The following SLC12A2 variants were observed in gnomAD, a reference collection of about 807,000 sequenced individuals.
The protein encoded by SLC12A2 is Na-K-2Cl cotransporter 1.
SLC12A2 carries 67 observed loss-of-function variants against 136.3 expected under a neutral mutation model. The observed-to-expected ratio is 0.49, with a 90% CI of 0.40 to 0.60. The LOEUF (loss-of-function observed/expected upper bound fraction) is 0.60. Among genes scored for constraint, SLC12A2 ranks in the 20% least tolerant of loss-of-function variants. The probability of loss-of-function intolerance (pLI) is 0.00; values close to 1 mark genes in which losing one functional copy is unlikely to be tolerated. For synonymous variants in SLC12A2, 619 were observed against 562.9 expected (o/e 1.10, Z -1.41); for missense variants, 1,322 against 1,534.7 (o/e 0.86, Z 2.32).
intron 11 of SLC12A2, among the ~76,000 whole-genome samples, chr5:128,148,097 CTAAA>C (rs1282228193): frequency 6.6e-6 from 1 of 151,548 alleles, no homozygotes; most frequent in African/African-American, 2.4e-5. Flanking sequence ...TGATATCAAC[CTAAA>C]TATTTTATTT....
In SLC12A2 at chr5:128,103,206, G is replaced by A. The variant is rs192509979; in HGVS notation, c.757-9608G>A. 5.3e-5 allele frequency among the ~76,000 whole-genome samples: 8 copies of A among 152,142 alleles called. No homozygotes were observed. In the East Asian group the frequency reaches 7.7e-4, roughly 15 times the overall value. ...TGTTTTAACAGTTTATATTCTCACCGGGATCATATGAGAGTTTTTGTGTTC... is the reference window on the plus strand; with the variant it reads ...TGTTTTAACAGTTTATATTCTCACCAGGATCATATGAGAGTTTTTGTGTTC... On this transcript the variant is annotated intron_variant, in intron 1 of 26. Coordinates refer to ENST00000262461, the MANE Select transcript of SLC12A2 (RefSeq NM_001046.3).
chr5:128,117,359 T>C (rs1172815225), intron 4 of SLC12A2, among the ~76,000 whole-genome samples: 1 of 152,158 alleles, frequency 6.6e-6, no homozygotes, highest in Non-Finnish European at 1.5e-5. Flanking sequence ...AATCCATAAG[T>C]TAACAATGAA....
chr5:128,098,206 T>C (rs1760613290), intron 1 of SLC12A2, among the ~76,000 whole-genome samples: 2 of 152,134 alleles, frequency 1.3e-5, no homozygotes, highest in Non-Finnish European at 1.5e-5. Flanking sequence ...CACTCTTCCT[T>C]CTTCTGCCAT....
chr5:128,123,414 T>C (rs867595997), intron 4 of SLC12A2, among the ~76,000 whole-genome samples: 19 of 152,304 alleles, frequency 1.2e-4, no homozygotes, highest in Middle Eastern at 6.8e-3. Flanking sequence ...CCAAGAAAAC[T>C]TTATTTTTAC....
intron 7 of SLC12A2, among the ~76,000 whole-genome samples, chr5:128,136,844 A>G (rs7721466): frequency 0.014 from 2,083 of 152,194 alleles, 49 homozygotes; most frequent in African/African-American, 0.048. Flanking sequence ...ACATGTTTCT[A>G]TTCCTGAATC....
chr5:128,186,137 A>G (rs1348351015), intron 26 of SLC12A2, among the ~76,000 whole-genome samples: 7 of 152,168 alleles, frequency 4.6e-5, no homozygotes, highest in Non-Finnish European at 1.0e-4. Flanking sequence ...ACAGTTGCCT[A>G]TAGTATTCAC....
intron 1 of SLC12A2, among the ~76,000 whole-genome samples, chr5:128,087,347 G>T (rs1760139394): frequency 6.6e-6 from 1 of 152,178 alleles, no homozygotes; most frequent in Admixed American, 6.5e-5. Context: ...TGCCTAGACA[G>T]ACATTAACAA....
chr5:128,165,956 T>A (rs564997599), intron 17 of SLC12A2, among the ~76,000 whole-genome samples: 26 of 135,738 alleles, frequency 1.9e-4, no homozygotes, highest in African/African-American at 6.8e-4. Flanking sequence ...GCTGTGTGGT[T>A]AAGATAGTTT....
chr5:128,096,641 C>G (rs1013710577), intron 1 of SLC12A2, among the ~76,000 whole-genome samples: 1 of 151,966 alleles, frequency 6.6e-6, no homozygotes, highest in African/African-American at 2.4e-5. Context: ...TGTTTTCTGG[C>G]AAAGCTGGGC....
intron 4 of SLC12A2, among the ~76,000 whole-genome samples, chr5:128,121,840 T>C (rs1316024146): frequency 1.3e-5 from 2 of 152,200 alleles, no homozygotes; most frequent in African/African-American, 4.8e-5. Flanking sequence ...GCAGTGTTCT[T>C]GAGAGCTTGG....
chr5:128,085,659 T>A (rs1458650186), intron 1 of SLC12A2, among the ~76,000 whole-genome samples: 1 of 152,250 alleles, frequency 6.6e-6, no homozygotes, highest in Non-Finnish European at 1.5e-5. Context: ...ATGACTACAT[T>A]GATGGAATTT....
chr5:128,153,616 C>T (rs994631567), intron 15 of SLC12A2, among the ~76,000 whole-genome samples: 2 of 152,116 alleles, frequency 1.3e-5, no homozygotes, highest in African/African-American at 4.8e-5. Flanking sequence ...TATAAACTTT[C>T]TTTAGTCATG....
intron 4 of SLC12A2, among the ~76,000 whole-genome samples, chr5:128,115,807 A>G (rs1235781160): frequency 6.6e-6 from 1 of 152,212 alleles, no homozygotes; most frequent in Non-Finnish European, 1.5e-5. Context: ...GGAGGGATAG[A>G]GACAGAGAAC....
chr5:128,141,981 G>C lies in SLC12A2; in HGVS notation c.1773G>C (p.Gln591His). 1 of 1,613,196 alleles carries C rather than the reference G, an allele frequency of 6.2e-7. No homozygotes were observed. The highest frequency in any genetic ancestry group is 1.1e-5 in the South Asian group (1 of 90,998). ...CCTATGGCCTAATGAACAACTTCCA[G>C]GTGAGCATTGACTTTGTAATATACA... Reference protein sequence around the residue: ...PCSYGLMNNFQVMSMVSGFTP... With the variant: ...PCSYGLMNNFHVMSMVSGFTP... Residue 591 changes from glutamine (Q) to histidine (H), a missense_variant and splice_region_variant, in exon 10 of 27, where the codon CAG becomes CAC. Physicochemically the swap from Gln to His is conservative, Grantham distance 24. Around this residue, in one of 8 missense-constraint regions of SLC12A2, gnomAD observed 294 missense variants for 436.6 expected, o/e 0.67. Coordinates refer to ENST00000262461, the MANE Select transcript of SLC12A2 (RefSeq NM_001046.3).
At chr5:128,104,734 A>G (rs953349353) in intron 1 of SLC12A2, among the ~76,000 whole-genome samples, 1 of 151,862 alleles carries the variant, frequency 6.6e-6, no homozygotes, top group Non-Finnish European at 1.5e-5. Flanking sequence ...TCTGGACACT[A>G]TAGCAATTCT....
chr5:128,091,733 G>A (rs1760328844), intron 1 of SLC12A2, among the ~76,000 whole-genome samples: 1 of 152,070 alleles, frequency 6.6e-6, no homozygotes, highest in Non-Finnish European at 1.5e-5. Context: ...TTGGAAGAAG[G>A]GGGAAAGCCA....
At chr5:128,165,211 A>G (rs919730502) in intron 17 of SLC12A2, among the ~76,000 whole-genome samples, 1 of 152,194 alleles carries the variant, frequency 6.6e-6, no homozygotes, top group Non-Finnish European at 1.5e-5. Flanking sequence ...CTCTTTGAGC[A>G]AAGGACATTA....
intron 1 of SLC12A2, among the ~76,000 whole-genome samples, chr5:128,105,371 C>G (rs970801583): frequency 6.6e-6 from 1 of 152,170 alleles, no homozygotes; most frequent in African/African-American, 2.4e-5. Flanking sequence ...GCTAAAGGAA[C>G]TCCTACCACT....
At position 128,098,223 on chromosome 5, in the gene SLC12A2, T is replaced by C. The variant is rs532986293; in HGVS notation, c.756+13513T>C. Among the ~76,000 whole-genome samples, 37 of 152,258 alleles carry C rather than the reference T, an allele frequency of 2.4e-4. No homozygotes were observed. In the East Asian group the frequency reaches 6.9e-3, roughly 29 times the overall value. On this transcript the variant is annotated intron_variant, in intron 1 of 26. Transcript: ENST00000262461. The stretch of plus-strand genomic sequence containing the variant: ...CTCTTCCTTCTTCTGCCATTTCCAT[T>C]CTGCTATTAAGTCCACCTAGGGAAT...
Sources: allele counts gnomAD v4.1 joint callset (sites outside exome capture counted in the v4.1 genomes callset), GRCh38; gene constraint gnomAD v4.1.1; regional missense constraint gnomAD v4.1.1; transcripts MANE v1.5; gene names NCBI Gene and HGNC (gene_info 2026-07-23, HGNC 2026-07-21).